COL11A1: variants seen among roughly 807,000 people sequenced by gnomAD.
COL11A1 encodes collagen type XI alpha 1 chain.
COL11A1 carries 74 observed loss-of-function variants against 265.2 expected under a neutral mutation model. The observed-to-expected ratio is 0.28, with a 90% confidence interval of 0.23 to 0.34. The LOEUF (loss-of-function observed/expected upper bound fraction) is 0.34, where lower values mean the gene tolerates loss of function less well. Ranked by LOEUF, COL11A1 falls within the 10% of genes least tolerant of loss-of-function variation. The pLI is 1.00. For missense variants in COL11A1, 2,165 were observed against 2,263.6 expected, an observed-to-expected ratio of 0.96 and a Z score of 0.88; for synonymous variants, 816 against 727.6, an observed-to-expected ratio of 1.12 and a Z score of -1.96.
At chr1:103,058,326 T>C (rs1361721140) in intron 4 of COL11A1, among the ~76,000 whole-genome samples, 2 of 152,228 alleles carry the variant, frequency 1.3e-5, no homozygotes, top group Non-Finnish European at 2.9e-5. Flanking sequence ...TAAGAGAATG[T>C]TGTGGCTGGT....
chr1:103,004,677 A>G lies in COL11A1; in HGVS notation c.1846-16T>C. On this transcript the variant is annotated splice_polypyrimidine_tract_variant and intron_variant, in intron 18 of 66. Coordinates refer to ENST00000370096, the MANE Select transcript of COL11A1 (RefSeq NM_001854.4). ...CTCGTTCACCCTGTTAAATCAATACAAATAAGATTAGCATATGGAAAGAAG... is the reference window on the plus strand; with the variant it reads ...CTCGTTCACCCTGTTAAATCAATACGAATAAGATTAGCATATGGAAAGAAG... 6.2e-7 allele frequency: 1 copy of G among 1,602,146 alleles called. No individual in the cohort carries two copies.
intron 46 of COL11A1, among the ~76,000 whole-genome samples, chr1:102,928,405 C>T (rs1160095292): frequency 6.6e-6 from 1 of 151,730 alleles, no homozygotes; most frequent in East Asian, 1.9e-4. Flanking sequence ...CCAATTTCAT[C>T]CATGTCCCTA....
rs1386854749 is a variant in COL11A1, at chr1:102,902,255, G to C, written c.4087-3261C>G. Among the ~76,000 whole-genome samples the C allele has an allele frequency of 2.6e-5, 4 of 152,132 alleles. No individual in the cohort carries two copies. In the East Asian group the frequency reaches 7.7e-4, roughly 29 times the overall value. On this transcript the variant is annotated intron_variant, in intron 54 of 66. Transcript: ENST00000370096. ...TGTCTTGCTATGAGTCAGAATATTA[G>C]GGTGCATGAGTATGTGGTGACTTGA...
chr1:102,953,161 ATAAAC>A (rs1660054113), intron 41 of COL11A1, among the ~76,000 whole-genome samples: 1 of 152,254 alleles, frequency 6.6e-6, no homozygotes, highest in South Asian at 2.1e-4. Context: ...TGTCAGATAA[ATAAAC>A]TATTATATCT....
At chr1:102,928,216 C>T (rs1261907858) in intron 46 of COL11A1, among the ~76,000 whole-genome samples, 1 of 151,884 alleles carries the variant, frequency 6.6e-6, no homozygotes, top group African/African-American at 2.4e-5. Context: ...CGTCATCTAG[C>T]ATTAGGTATA....
intron 7 of COL11A1, 45 bp from the exon 8 acceptor site, chr1:103,023,041 G>C: frequency 6.3e-7 from 1 of 1,588,510 alleles, no homozygotes; most frequent in Non-Finnish European, 8.6e-7. Context: ...GAAGTTTATT[G>C]TTAGTAAAGC....
intron 10 of COL11A1, 47 bp downstream of exon 10, chr1:103,018,771 T>C (rs1192304791): frequency 2.9e-6 from 4 of 1,394,940 alleles, no homozygotes; most frequent in African/African-American, 1.4e-5. Flanking sequence ...AAATCTTATA[T>C]ATGATTACTT....
At chr1:102,905,727 T>C (rs1179922533) in intron 54 of COL11A1, among the ~76,000 whole-genome samples, 2 of 152,164 alleles carry the variant, frequency 1.3e-5, no homozygotes, top group Non-Finnish European at 2.9e-5. Flanking sequence ...TTACCATATA[T>C]GTCACATGAA....
In COL11A1 at chr1:102,886,891, G is replaced by A. The variant is rs1651049391; in HGVS notation, c.4774C>T (p.His1592Tyr). 1 of 1,613,768 alleles carries A rather than the reference G, an allele frequency of 6.2e-7. No homozygotes were observed. The highest frequency in any genetic ancestry group is 8.5e-7 in the Non-Finnish European group (1 of 1,179,788). The change falls in exon 63 of 67, where the codon CAT (histidine) becomes TAT (tyrosine). Residue 1592 changes from histidine to tyrosine, a missense_variant. Coordinates refer to ENST00000370096, the MANE Select transcript of COL11A1 (RefSeq NM_001854.4). ...TGAGTACCCATTGGAAATTTCATAT[G>A]CTCAATGTCTTGTTTCAGGGAATTG... is the stretch of plus-strand genomic sequence containing the variant. ...SLNSLKQDIE[H>Y]MKFPMGTQTN...
At chr1:102,997,176 T>C in intron 25 of COL11A1, 52 bp from the exon 26 acceptor site, 1 of 1,406,174 alleles carries the variant, frequency 7.1e-7, no homozygotes, top group Non-Finnish European at 1.0e-6. Context: ...ACATAGTTGA[T>C]AATACTACGA....
chr1:103,108,343 G>T lies in COL11A1; in HGVS notation c.-165C>A, dbSNP rs967715358. On this transcript the variant is annotated 5_prime_UTR_variant, in exon 1 of 67. Coordinates refer to ENST00000370096, the MANE Select transcript of COL11A1 (RefSeq NM_001854.4). ...TTTTCTTCTAAATTTGATGGTTTGC[G>T]TTCTTCGTGTCTCTAGCCCTTTCCT... 1.6e-5 allele frequency: 11 copies of T among 680,690 alleles called. No individual in the cohort carries two copies. Among genetic ancestry groups the T allele is most frequent in the Non-Finnish European group, 2.7e-5 (10 of 377,034 alleles). 42.2% of individuals were successfully genotyped at this position (680,690 alleles called of 1,614,324 possible). A position where few individuals can be genotyped will look rare whatever the true frequency, so the allele number is the denominator to read the frequency against.
intron 12 of COL11A1, 113 bp downstream of exon 12, chr1:103,015,555 C>T (rs532185441): frequency 4.6e-5 from 36 of 785,218 alleles, no homozygotes; most frequent in Non-Finnish European, 7.2e-5. Context: ...TCAAGTATTT[C>T]TACCTTGTAC....
chr1:102,987,308 A>G (rs944910819), intron 30 of COL11A1, among the ~76,000 whole-genome samples: 7 of 151,564 alleles, frequency 4.6e-5, no homozygotes, highest in Non-Finnish European at 5.9e-5. Flanking sequence ...AATTCTATCC[A>G]TAAGATATTA....
intron 54 of COL11A1, among the ~76,000 whole-genome samples, chr1:102,904,953 G>A (rs1653735201): frequency 6.6e-6 from 1 of 152,054 alleles, no homozygotes; most frequent in Admixed American, 6.6e-5. Context: ...ATTCACAATA[G>A]CAAAGACTTG....
chr1:103,005,698 C>T, intron 18 of COL11A1, 140 bp downstream of exon 18: 1 of 875,320 alleles, frequency 1.1e-6, no homozygotes, highest in Non-Finnish European at 1.8e-6. Flanking sequence ...ACCTATTTTC[C>T]TTCTAGTATC....
At chr1:102,879,189 G>A (rs576973173) in intron 66 of COL11A1, among the ~76,000 whole-genome samples, 1 of 152,134 alleles carries the variant, frequency 6.6e-6, no homozygotes, top group African/African-American at 2.4e-5. Flanking sequence ...TGTGAACAAG[G>A]TAGTTCTATA....
intron 30 of COL11A1, 147 bp from the exon 31 acceptor site, chr1:102,984,338 A>G (rs1570943289): frequency 1.7e-6 from 1 of 585,172 alleles, no homozygotes; most frequent in Non-Finnish European, 3.0e-6. Flanking sequence ...TACCTTCATT[A>G]TATTTCTTCA....
chr1:102,939,543 G>A (rs987103458), intron 43 of COL11A1, among the ~76,000 whole-genome samples: 1 of 151,110 alleles, frequency 6.6e-6, no homozygotes, highest in Admixed American at 6.6e-5. Context: ...ACAAATAAAT[G>A]TTTTTAAAAA....
At chr1:102,947,039 C>A in intron 41 of COL11A1, 83 bp from the exon 42 acceptor site, 1 of 1,107,090 alleles carries the variant, frequency 9.0e-7, no homozygotes. Context: ...TAGCTTCTTA[C>A]AGTCTAGTAA....
Sources: gnomAD v4.1 joint callset for allele counts (sites outside exome capture counted in the v4.1 genomes callset) on GRCh38, gnomAD v4.1.1 for gene constraint, MANE v1.5 for transcripts, NCBI Gene and HGNC (gene_info 2026-07-23, HGNC 2026-07-21) for gene names.